Variants in SPACA6 observed in about 807,000 individuals in gnomAD.
SPACA6 encodes the protein sperm acrosome associated 6.
For synonymous variants in SPACA6, 6 were observed against 1.5 expected, an observed-to-expected ratio of 4.05 and a Z score of -2.21; for missense variants, 8 against 2.8, an observed-to-expected ratio of 2.88 and a Z score of -1.34.
Position 51,703,198 on chromosome 19 carries a change from C to T in SPACA6, c.464-30C>T, listed in dbSNP as rs1027543457. ...GTGGCGAGGCCAGACGTGGTCGGGG[C>T]CCAGCGAGTGAACCCTGCTCCGTCT... On this transcript the variant is annotated intron_variant, in intron 5 of 8. Transcript: ENST00000637797. The surrounding 1 kb of genome is among the most constrained non-coding windows in gnomAD (Gnocchi z 4.2). 2.8e-5 allele frequency: 11 copies of T among 399,236 alleles called. No homozygotes were observed. Among genetic ancestry groups the T allele is most frequent in the African/African-American group, 1.9e-4 (9 of 48,606 alleles). The allele number at this position is 399,236 out of a possible 1,614,324, so 24.7% of individuals were successfully genotyped here. A position where few individuals can be genotyped will look rare whatever the true frequency, so the allele number is the denominator to read the frequency against.
upstream of SPACA6, chr19:51,692,638 C>T (rs774985687): frequency 1.9e-5 from 10 of 531,164 alleles, no homozygotes; most frequent in South Asian, 2.8e-5. The surrounding 1 kb of genome is among the most constrained non-coding windows in gnomAD (Gnocchi z 5.6). Context: ...ACCGACCTTG[C>T]GGGGCCTTCG....
chr19:51,702,181 G>T lies in SPACA6; in HGVS notation c.362-448G>T, dbSNP rs530430061. On this transcript the variant is annotated intron_variant, in intron 3 of 8. Coordinates refer to ENST00000637797, the MANE Select transcript of SPACA6 (RefSeq NM_001316972.2). ...CCCCGCGTGGACCATTTTTGATCTG[G>T]CCCCGCCCCTTCGATGAAAGGTTTC... 1.1e-3 allele frequency among the ~76,000 whole-genome samples: 166 copies of T among 152,126 alleles called. No individual in the cohort carries two copies. The Middle Eastern group carries it at 0.02, about 19-fold the overall frequency.
intron 8 of SPACA6, chr19:51,704,704 C>G (rs1333691547): frequency 2.5e-6 from 1 of 393,366 alleles, no homozygotes; most frequent in East Asian, 3.6e-5. Flanking sequence ...CCCAGCCCCT[C>G]CTCCCTCAGA....
At chr19:51,692,202 G>T (rs1479316644), upstream of SPACA6, among the ~76,000 whole-genome samples, 1 of 152,132 alleles carries the variant, frequency 6.6e-6, no homozygotes, top group African/African-American at 2.4e-5. The surrounding 1 kb of genome is among the most constrained non-coding windows in gnomAD (Gnocchi z 5.6). Flanking sequence ...AAGCAGGTGT[G>T]CCCAAAGGGC....
upstream of SPACA6, among the ~76,000 whole-genome samples, chr19:51,690,523 C>G (rs2083361038): frequency 6.6e-6 from 1 of 152,064 alleles, no homozygotes; most frequent in Admixed American, 6.5e-5. Context: ...GTTAAGGGGG[C>G]GGGACCAGCT....
rs914829255 is a variant in SPACA6 at position 51,703,364 on chromosome 19, G to T, written c.573+27G>T. ...TGAGTCGGGGCGGGGCCGGCGCGAA[G>T]AGTTTAGACGGGCGAGTTAGCCTTC... On this transcript the variant is annotated intron_variant, in intron 6 of 8. Coordinates refer to ENST00000637797, the MANE Select transcript of SPACA6 (RefSeq NM_001316972.2). The surrounding 1 kb of genome is among the most constrained non-coding windows in gnomAD (Gnocchi z 4.2). The T allele has an allele frequency of 1.2e-4, 49 of 399,032 alleles. No individual in the cohort carries two copies. The highest frequency in any genetic ancestry group is 6.2e-4 in the Middle Eastern group (1 of 1,610). 24.7% of individuals were successfully genotyped at this position (399,032 alleles called of 1,614,324 possible).
At chr19:51,691,522 A>C (rs921797063), upstream of SPACA6, among the ~76,000 whole-genome samples, 2 of 150,968 alleles carry the variant, frequency 1.3e-5, no homozygotes, top group African/African-American at 4.9e-5. Flanking sequence ...CAGGAGAAAG[A>C]GGGGGAGAGA....
chr19:51,708,776 G>C (rs563899792), downstream of SPACA6, among the ~76,000 whole-genome samples: 4 of 152,122 alleles, frequency 2.6e-5, no homozygotes, highest in African/African-American at 9.6e-5. Context: ...GCAGTGAGCT[G>C]AGATTGTGCC....
At chr19:51,702,448 C>CAGGCTT (rs2122220385) in intron 3 of SPACA6, 181 bp from the exon 4 acceptor site, 1 of 393,312 alleles carries the variant, frequency 2.5e-6, no homozygotes. Context: ...GTGGAATGCT[C>CAGGCTT]AGGCTTGGCC....
chr19:51,697,323 C>T (rs536873281), intron 2 of SPACA6, among the ~76,000 whole-genome samples: 2 of 152,274 alleles, frequency 1.3e-5, no homozygotes, highest in South Asian at 2.1e-4. Context: ...GAAGCCGGCC[C>T]ATGGTGGCTT....
At chr19:51,685,697 G>A (rs1435070606), upstream of SPACA6, 2 of 152,046 alleles carry the variant, frequency 1.3e-5, no homozygotes, top group South Asian at 2.1e-4. Context: ...TTTTTTTATT[G>A]TAGAGATGGG....
chr19:51,694,212 CAA>C (rs1158755841), intron 1 of SPACA6: 4 of 343,534 alleles, frequency 1.2e-5, no homozygotes, highest in African/African-American at 2.1e-5. Flanking sequence ...GATGGAGACT[CAA>C]AGAGGATGGA....
chr19:51,701,854 C>A, intron 3 of SPACA6, 128 bp downstream of exon 3: 2 of 380,626 alleles, frequency 5.3e-6, no homozygotes, highest in African/African-American at 2.1e-5. Context: ...GGGCAGATCA[C>A]TTGAGATCAG....
intron 8 of SPACA6, 195 bp from the exon 9 acceptor site, chr19:51,704,895 C>G (rs2083505465): frequency 5.5e-6 from 2 of 366,378 alleles, no homozygotes; most frequent in Non-Finnish European, 9.7e-6. Flanking sequence ...AGCCCCTCCT[C>G]CCTCAGATCC....
At chr19:51,686,333 T>C (rs908206026), upstream of SPACA6, 5 of 152,326 alleles carry the variant, frequency 3.3e-5, no homozygotes, top group Non-Finnish European at 7.4e-5. Context: ...TGGAGTGATA[T>C]TGAGGACACA....
chr19:51,696,181 T>A (rs907555046), intron 2 of SPACA6, among the ~76,000 whole-genome samples: 6 of 152,156 alleles, frequency 3.9e-5, no homozygotes, highest in South Asian at 2.1e-4. Flanking sequence ...GAAAGAACCC[T>A]CTGGGGTCGT....
At chr19:51,706,674 T>C (rs1039006805), downstream of SPACA6, among the ~76,000 whole-genome samples, 1 of 152,140 alleles carries the variant, frequency 6.6e-6, no homozygotes. Context: ...TTAACTCTTT[T>C]TTTTTTTTGA....
At chr19:51,691,105 T>C (rs2083367805), upstream of SPACA6, among the ~76,000 whole-genome samples, 1 of 139,454 alleles carries the variant, frequency 7.2e-6, no homozygotes, top group South Asian at 2.4e-4. Context: ...CTCAGGTCGC[T>C]ACCCCAGCCC....
intron 2 of SPACA6, among the ~76,000 whole-genome samples, chr19:51,696,802 T>C (rs2122206283): frequency 6.6e-6 from 1 of 152,174 alleles, no homozygotes; most frequent in Admixed American, 6.5e-5. Context: ...CAGGGTCCAG[T>C]TGAGCAAAGA....
Sources: allele counts gnomAD v4.1 joint callset (sites outside exome capture counted in the v4.1 genomes callset), GRCh38; gene constraint gnomAD v4.1.1; non-coding constraint Gnocchi (gnomAD v3.1); transcripts MANE v1.5; gene names NCBI Gene and HGNC (gene_info 2026-07-23, HGNC 2026-07-21).